Variants in SLC4A9 observed in about 807,000 individuals in gnomAD.
SLC4A9 encodes anion exchange protein 4.
In SLC4A9, 102 loss-of-function variants were observed where a neutral mutation model predicts 103.2. The ratio of observed to expected loss-of-function variants is 0.99; its 90% CI spans 0.84 to 1.17. The LOEUF is 1.17. Ranked by LOEUF, SLC4A9 falls within the 50% of genes most tolerant of loss-of-function variation. The pLI is 0.00. For missense variants in SLC4A9, 1,091 were observed against 1,193.7 expected, an observed-to-expected ratio of 0.91 and a Z score of 1.27; for synonymous variants, 453 against 483.6, an observed-to-expected ratio of 0.94 and a Z score of 0.83.
rs774549104 is a variant in SLC4A9 at position 140,364,142 on chromosome 5, C to CG, written c.1347dup (p.Pro450AlafsTer6). On this transcript the variant is annotated frameshift_variant, in exon 10 of 22. Coordinates refer to ENST00000506757, the MANE Select transcript of SLC4A9 (RefSeq NM_031467.3). LOFTEE classifies it high-confidence loss of function. The stretch of plus-strand genomic sequence containing the variant: ...CAGCCCCTCACCATTCTGAGCAGCA[C>CG]GGGGCCAGTGCTGGTCTTTGAGCGC... 7 of 1,592,860 alleles carry CG rather than the reference C, an allele frequency of 4.4e-6. No individual in the cohort carries two copies. The Admixed American group carries it at 1.2e-4, about 28-fold the overall frequency.
In SLC4A9 at chr5:140,372,357, T is replaced by C. The variant is rs767623398; in HGVS notation, c.2786T>C (p.Leu929Pro). ...GAGAGAAGCATCCCTGAGAAGGGGCTGGAGCCAGAACACTCATTCAGTGGA... is the reference window on the plus strand; with the variant it reads ...GAGAGAAGCATCCCTGAGAAGGGGCCGGAGCCAGAACACTCATTCAGTGGA... ...EEERSIPEKG[L>P]EPEHSFSGSD... Residue 929 changes from leucine to proline, a missense_variant, in exon 20 of 22, where the codon CTG (leucine) becomes CCG (proline). Leu to Pro is a moderately conservative substitution (Grantham distance 98). Transcript: ENST00000506757. 2.9e-5 allele frequency: 46 copies of C among 1,610,164 alleles called. No individual in the cohort carries two copies. Among genetic ancestry groups the C allele is most frequent in the Non-Finnish European group, 3.6e-5 (43 of 1,178,976 alleles).
intron 5 of SLC4A9, 98 bp from the exon 6 acceptor site, chr5:140,362,347 G>A (rs982817757): frequency 1.5e-6 from 2 of 1,328,992 alleles, no homozygotes; most frequent in Non-Finnish European, 2.1e-6. Context: ...AAATGAGTGT[G>A]TTTATGGGAG....
chr5:140,361,985 C>A (rs777360173), intron 4 of SLC4A9, 32 bp from the exon 5 acceptor site: 10 of 1,613,660 alleles, frequency 6.2e-6, no homozygotes, highest in Admixed American at 1.7e-5. Flanking sequence ...AATAACCTTT[C>A]ATATTCTGTG....
At chr5:140,362,862 G>GT (rs747623961) in intron 6 of SLC4A9, 50 bp from the exon 7 acceptor site, 18 of 1,611,646 alleles carry the variant, frequency 1.1e-5, no homozygotes, top group Middle Eastern at 1.7e-4. Context: ...GAAAATGCAT[G>GT]TAAGAGACCA....
intron 21 of SLC4A9, among the ~76,000 whole-genome samples, chr5:140,373,356 G>C (rs1345173515): frequency 2.0e-5 from 3 of 152,162 alleles, no homozygotes; most frequent in Admixed American, 6.5e-5. Flanking sequence ...AGATACAGTA[G>C]TGAGTAAGAC....
rs1313247709 is a variant in SLC4A9 at position 140,363,768 on chromosome 5, C to G, written c.1120C>G (p.Pro374Ala). 1.9e-6 allele frequency: 3 copies of G among 1,613,780 alleles called. No individual in the cohort carries two copies. The highest frequency in any genetic ancestry group is 2.5e-6 in the Non-Finnish European group (3 of 1,179,868). ...GLIQDVRRKVPWYPSDFLDAL... is the reference protein window; with the variant it reads ...GLIQDVRRKVAWYPSDFLDAL... ...TATCCAGGACGTGCGCAGGAAGGTC[C>G]CGTGGTACCCCAGCGATTTCTTGGA... Residue 374 changes from proline (P) to alanine (A), a missense_variant, in exon 9 of 22, where the codon CCG becomes GCG. Coordinates refer to ENST00000506757, the MANE Select transcript of SLC4A9 (RefSeq NM_031467.3). The surrounding 1 kb of genome is among the most constrained non-coding windows in gnomAD (Gnocchi z 4.5).
chr5:140,363,124 T>C lies in SLC4A9; in HGVS notation c.962+58T>C. 6.3e-7 allele frequency: 1 copy of C among 1,579,338 alleles called. No homozygotes were observed. Among genetic ancestry groups the C allele is most frequent in the Non-Finnish European group, 8.6e-7 (1 of 1,168,768 alleles). ...TGCCCATATAGGCCCTGGGTCTAAT[T>C]CCATTGTTGAGGAGGGGTGGTGTCC... On this transcript the variant is annotated intron_variant, in intron 7 of 21. Transcript: ENST00000506757. The surrounding 1 kb of genome is among the most constrained non-coding windows in gnomAD (Gnocchi z 4.5).
At chr5:140,371,308 C>A in intron 18 of SLC4A9, 143 bp from the exon 19 acceptor site, 1 of 1,395,426 alleles carries the variant, frequency 7.2e-7, no homozygotes, top group Non-Finnish European at 1.0e-6. Context: ...CTCTTACTCT[C>A]TTTTTCCTGT....
At chr5:140,372,674 A>C in intron 20 of SLC4A9, 71 bp from the exon 21 acceptor site, 2 of 1,464,722 alleles carry the variant, frequency 1.4e-6, no homozygotes, top group Non-Finnish European at 1.8e-6. Flanking sequence ...CTGTGGGTTT[A>C]CCTCTATGTT....
At chr5:140,373,205 T>TC (rs1561633329) in intron 21 of SLC4A9, among the ~76,000 whole-genome samples, 1 of 151,952 alleles carries the variant, frequency 6.6e-6, no homozygotes, top group Non-Finnish European at 1.5e-5. Context: ...CTTGGAAGGC[T>TC]CCCCCCTTAG....
intron 6 of SLC4A9, 76 bp downstream of exon 6, chr5:140,362,608 A>G: frequency 7.2e-7 from 1 of 1,386,934 alleles, no homozygotes; most frequent in Non-Finnish European, 1.0e-6. Flanking sequence ...GCATACATGC[A>G]TGGGCTCATG....
At chr5:140,361,418 TC>T in intron 3 of SLC4A9, 51 bp downstream of exon 3, 5 of 1,435,916 alleles carry the variant, frequency 3.5e-6, no homozygotes, top group Non-Finnish European at 4.8e-6. Context: ...TGGCAGGGTC[TC>T]AGATCTCCCC....
chr5:140,364,486 G>A lies in SLC4A9; in HGVS notation c.1512G>A (p.Glu504=), dbSNP rs776197961. The A allele has an allele frequency of 5.0e-6, 8 of 1,612,528 alleles. No homozygotes were observed. Among genetic ancestry groups the A allele is most frequent in the Non-Finnish European group, 5.9e-6 (7 of 1,179,262 alleles). ...TGCGCTACTTCACCCGCTTCACTGAGGAAGGTTTCTGTGCCCTCATCAGCC... is the reference window on the plus strand; with the variant it reads ...TGCGCTACTTCACCCGCTTCACTGAAGAAGGTTTCTGTGCCCTCATCAGCC... The part of the protein sequence containing the change: ...VLVRYFTRFT[E]EGFCALISLI... Residue 504 remains glutamate (E), a synonymous_variant, in exon 11 of 22, where the codon GAG becomes GAA. Coordinates refer to ENST00000506757, the MANE Select transcript of SLC4A9 (RefSeq NM_031467.3).
chr5:140,366,770 CT>C (rs1027969949), intron 14 of SLC4A9, among the ~76,000 whole-genome samples: 6 of 152,160 alleles, frequency 3.9e-5, no homozygotes, highest in African/African-American at 1.4e-4. Flanking sequence ...TGGCGTGGCC[CT>C]GCCCACTCCA....
Position 140,364,133 on chromosome 5 carries a change from T to C in SLC4A9, c.1334T>C (p.Leu445Pro), listed in dbSNP as rs1020607229. 15 of 1,594,430 alleles carry C rather than the reference T, an allele frequency of 9.4e-6. No individual in the cohort carries two copies. The highest frequency in any genetic ancestry group is 1.3e-5 in the Non-Finnish European group (15 of 1,169,840). The change falls in exon 10 of 22, where the codon CTG becomes CCG. Residue 445 changes from leucine (L) to proline (P), a missense_variant. Physicochemically the swap from Leu to Pro is moderately conservative, Grantham distance 98. Transcript: ENST00000506757. The stretch of plus-strand genomic sequence containing the variant: ...ATGGCAGGCCAGCCCCTCACCATTC[T>C]GAGCAGCACGGGGCCAGTGCTGGTC... ...CLMAGQPLTILSSTGPVLVFE... is the reference protein window; with the variant it reads ...CLMAGQPLTIPSSTGPVLVFE...
intron 14 of SLC4A9, among the ~76,000 whole-genome samples, chr5:140,367,031 C>G (rs77778242): frequency 1.3e-3 from 191 of 152,288 alleles, no homozygotes; most frequent in African/African-American, 4.5e-3. Flanking sequence ...ACAGACACAC[C>G]CAGCCCTGTC....
chr5:140,367,967 A>G lies in SLC4A9; in HGVS notation c.2354+69A>G. 1.9e-5 allele frequency: 29 copies of G among 1,539,668 alleles called. No homozygotes were observed. The South Asian group carries it at 3.0e-4, about 16-fold the overall frequency. Reference sequence around the variant, plus strand: ...GGTAAGGCAAAGGGGAACATGGCAGAGTTACTTGGGCAGCTTAAATTCTAA... The same window carrying G: ...GGTAAGGCAAAGGGGAACATGGCAGGGTTACTTGGGCAGCTTAAATTCTAA... On this transcript the variant is annotated intron_variant, in intron 16 of 21. Transcript: ENST00000506757.
In SLC4A9 at chr5:140,361,999, C is replaced by T. The variant is rs778548731; in HGVS notation, c.562-18C>T. On this transcript the variant is annotated intron_variant, in intron 4 of 21. Coordinates refer to ENST00000506757, the MANE Select transcript of SLC4A9 (RefSeq NM_031467.3). The stretch of plus-strand genomic sequence containing the variant: ...AAATAACCTTTCATATTCTGTGTCT[C>T]CTTGAACCCCCATCCAGTGTCAGAA... The T allele has an allele frequency of 1.9e-6, 3 of 1,613,746 alleles. No homozygotes were observed. Among genetic ancestry groups the T allele is most frequent in the South Asian group, 1.1e-5 (1 of 91,054 alleles).
chr5:140,362,935 G>T lies in SLC4A9; in HGVS notation c.831G>T (p.Arg277=), dbSNP rs375497369. Residue 277 remains arginine (R), a synonymous_variant, in exon 7 of 22, where the codon CGG becomes CGT. Transcript: ENST00000506757. The part of the protein sequence containing the change: ...SDPQFQWSVR[R]ASNLHDLLAA... ...AGCAATTCCAGTGGTCAGTTCGTCG[G>T]GCCAGCAACCTTCATGACCTTCTGG... 2.9e-5 allele frequency: 46 copies of T among 1,613,740 alleles called. No individual in the cohort carries two copies. In the African/African-American group the frequency reaches 5.6e-4, roughly 20 times the overall value.
Sources: allele counts gnomAD v4.1 joint callset (sites outside exome capture counted in the v4.1 genomes callset), GRCh38; gene constraint gnomAD v4.1.1; non-coding constraint Gnocchi (gnomAD v3.1); transcripts MANE v1.5; gene names NCBI Gene and HGNC (gene_info 2026-07-23, HGNC 2026-07-21).